DNAJC15: variants seen among roughly 807,000 people sequenced by gnomAD.
DNAJC15 encodes DnaJ heat shock protein family (Hsp40) member C15.
DNAJC15 carries 27 observed loss-of-function variants against 22.4 expected under a neutral mutation model. The observed-to-expected ratio is 1.20, with a 90% confidence interval of 0.89 to 1.66. DNAJC15 has a LOEUF of 1.66. Among genes scored for constraint, DNAJC15 ranks in the 40% most tolerant of loss-of-function variants. DNAJC15 has a pLI of 0.00. For synonymous variants in DNAJC15, 79 were observed against 63.2 expected (o/e 1.25, Z -1.19); for missense variants, 208 against 187.1 (o/e 1.11, Z -0.65).
chr13:43,024,564 T>C (rs961168567), intron 1 of DNAJC15, among the ~76,000 whole-genome samples: 13 of 151,878 alleles, frequency 8.6e-5, no homozygotes, highest in African/African-American at 2.9e-4. Flanking sequence ...CAGGATGGTC[T>C]CGATCTGCTT....
chr13:43,098,799 A>G (rs551842134), intron 5 of DNAJC15, among the ~76,000 whole-genome samples: 1 of 152,248 alleles, frequency 6.6e-6, no homozygotes, highest in African/African-American at 2.4e-5. Context: ...GTTGCTTTGT[A>G]GTAAGTTTTA....
intron 1 of DNAJC15, among the ~76,000 whole-genome samples, chr13:43,044,258 G>A (rs567176915): frequency 6.6e-6 from 1 of 152,218 alleles, no homozygotes. Context: ...ATTAACCCTT[G>A]AGAATTAACT....
chr13:43,025,765 A>G (rs9562453), intron 1 of DNAJC15, among the ~76,000 whole-genome samples: 86,892 of 151,864 alleles, frequency 0.57, 25,002 homozygotes, highest in South Asian at 0.66. Flanking sequence ...TTAGCTGGGC[A>G]TGGTAGCACA....
At chr13:43,033,927 C>A (rs545054439) in intron 1 of DNAJC15, among the ~76,000 whole-genome samples, 3 of 151,264 alleles carry the variant, frequency 2.0e-5, no homozygotes, top group East Asian at 3.9e-4. Context: ...ACTTGGGAGG[C>A]TGAGGCAGGA....
At chr13:43,046,595 C>T (rs983013330) in intron 1 of DNAJC15, among the ~76,000 whole-genome samples, 1 of 152,070 alleles carries the variant, frequency 6.6e-6, no homozygotes, top group African/African-American at 2.4e-5. Flanking sequence ...TCATATATCG[C>T]CTGAGAGCAC....
chr13:43,050,820 A>G (rs1025460518), intron 1 of DNAJC15, among the ~76,000 whole-genome samples: 2 of 152,202 alleles, frequency 1.3e-5, no homozygotes, highest in African/African-American at 2.4e-5. Context: ...AATTCCAGTA[A>G]ATAAATGGGT....
At chr13:43,031,789 C>T (rs2153439447) in intron 1 of DNAJC15, among the ~76,000 whole-genome samples, 1 of 152,290 alleles carries the variant, frequency 6.6e-6, no homozygotes, top group Admixed American at 6.5e-5. Context: ...TGCTTTGTTG[C>T]CTCTGTGCTC....
intron 5 of DNAJC15, among the ~76,000 whole-genome samples, chr13:43,087,822 A>G (rs576571713): frequency 6.6e-6 from 1 of 152,344 alleles, no homozygotes; most frequent in Non-Finnish European, 1.5e-5. Context: ...TAGGTGTGGG[A>G]AATGGCTGAA....
chr13:43,080,436 C>T lies in DNAJC15; in HGVS notation c.311+1748C>T, dbSNP rs78425176. On this transcript the variant is annotated intron_variant, in intron 4 of 5. Coordinates refer to ENST00000379221, the MANE Select transcript of DNAJC15 (RefSeq NM_013238.3). ...AGTATTCCATGGTGTTTATGTACCACATTTTCTTTATCCTGTCTACCACTG... is the reference window on the plus strand; with the variant it reads ...AGTATTCCATGGTGTTTATGTACCATATTTTCTTTATCCTGTCTACCACTG... Among the ~76,000 whole-genome samples the T allele has an allele frequency of 1.2e-4, 18 of 152,346 alleles. No individual in the cohort carries two copies. In the South Asian group the frequency reaches 3.1e-3, roughly 26 times the overall value.
At chr13:43,042,222 T>G (rs1242293112) in intron 1 of DNAJC15, among the ~76,000 whole-genome samples, 1 of 152,184 alleles carries the variant, frequency 6.6e-6, no homozygotes, top group African/African-American at 2.4e-5. Context: ...AAGTTTAATT[T>G]ATAAATTAGG....
rs1282359124 is a variant in DNAJC15, at chr13:43,092,723, G to A, written c.382+6885G>A. On this transcript the variant is annotated intron_variant, in intron 5 of 5. Transcript: ENST00000379221. ...GCTCAGGAATTCAAGACCAGCCTGG[G>A]CAACATAGCAAGACCCTTTCTCCAG... Among the ~76,000 whole-genome samples the A allele has an allele frequency of 2.6e-5, 4 of 152,246 alleles. No homozygotes were observed. The East Asian group carries it at 7.7e-4, about 29-fold the overall frequency.
chr13:43,056,025 A>G (rs1037667991), intron 1 of DNAJC15, among the ~76,000 whole-genome samples: 3 of 151,782 alleles, frequency 2.0e-5, no homozygotes, highest in African/African-American at 7.3e-5. Context: ...CAGGTTATTT[A>G]ATTTCTATGT....
intron 1 of DNAJC15, among the ~76,000 whole-genome samples, chr13:43,035,325 G>A (rs991765973): frequency 6.6e-6 from 1 of 152,140 alleles, no homozygotes; most frequent in Non-Finnish European, 1.5e-5. Flanking sequence ...TAGAATCTTA[G>A]TACAGGTCAA....
chr13:43,101,078 GAT>G (rs1465015559), intron 5 of DNAJC15, among the ~76,000 whole-genome samples: 3 of 152,168 alleles, frequency 2.0e-5, no homozygotes, highest in African/African-American at 7.2e-5. Flanking sequence ...GCTTTTCAGT[GAT>G]TTGCTGCTGT....
chr13:43,068,903 T>C (rs768781912), intron 2 of DNAJC15, 27 bp from the exon 3 acceptor site: 1 of 1,592,006 alleles, frequency 6.3e-7, no homozygotes, highest in Admixed American at 1.7e-5. Context: ...AGAAAATACA[T>C]TTGCTTTTAT....
chr13:43,055,514 G>A lies in DNAJC15; in HGVS notation c.109-10172G>A, dbSNP rs1383146761. 3.9e-5 allele frequency among the ~76,000 whole-genome samples: 6 copies of A among 152,100 alleles called. No homozygotes were observed. The South Asian group carries it at 1.2e-3, about 32-fold the overall frequency. On this transcript the variant is annotated intron_variant, in intron 1 of 5. Coordinates refer to ENST00000379221, the MANE Select transcript of DNAJC15 (RefSeq NM_013238.3). The stretch of plus-strand genomic sequence containing the variant: ...TGTGTAGTGTGTGTTCGCGACCTCC[G>A]TCTCCTTGACTGTTCGACCAAGAGC...
chr13:43,070,133 G>A (rs1447203938), intron 3 of DNAJC15, among the ~76,000 whole-genome samples: 1 of 152,014 alleles, frequency 6.6e-6, no homozygotes, highest in East Asian at 1.9e-4. Flanking sequence ...TTTTAGCAAA[G>A]ACATTACAGG....
rs1000882013 is a variant in DNAJC15, at chr13:43,085,872, A to G, written c.382+34A>G. The G allele has an allele frequency of 2.6e-6, 4 of 1,559,324 alleles. No individual in the cohort carries two copies. The African/African-American group carries it at 4.1e-5, about 16-fold the overall frequency. ...AATTCCTATTTTTCATAATATGTATATCAAAATATGCTGTGAATTCCTTTC... is the reference window on the plus strand; with the variant it reads ...AATTCCTATTTTTCATAATATGTATGTCAAAATATGCTGTGAATTCCTTTC... On this transcript the variant is annotated intron_variant, in intron 5 of 5. Transcript: ENST00000379221.
At chr13:43,081,531 C>T (rs1489492444) in intron 4 of DNAJC15, among the ~76,000 whole-genome samples, 2 of 151,984 alleles carry the variant, frequency 1.3e-5, no homozygotes, top group African/African-American at 4.8e-5. Flanking sequence ...CTGCGCCTCC[C>T]AGGTTCACGC....
Sources: allele counts gnomAD v4.1 joint callset (sites outside exome capture counted in the v4.1 genomes callset), GRCh38; gene constraint gnomAD v4.1.1; transcripts MANE v1.5; gene names NCBI Gene and HGNC (gene_info 2026-07-23, HGNC 2026-07-21).